The following THEMIS variants were observed in gnomAD, a reference collection of about 807,000 sequenced individuals.
THEMIS encodes protein THEMIS.
Under a neutral mutation model 52.6 loss-of-function variants are expected in THEMIS, and 37 were observed. The observed-to-expected ratio is 0.70, with a 90% confidence interval of 0.54 to 0.93. The LOEUF is 0.93. THEMIS is among the 40% of genes least tolerant of loss of function. The probability of loss-of-function intolerance (pLI) is 0.00; values close to 1 mark genes in which losing one functional copy is unlikely to be tolerated. For missense variants in THEMIS, 808 were observed against 763.1 expected, an observed-to-expected ratio of 1.06 and a Z score of -0.69; for synonymous variants, 292 against 272.7, an observed-to-expected ratio of 1.07 and a Z score of -0.70.
chr6:127,724,293 T>C (rs1223458363), intron 4 of THEMIS, among the ~76,000 whole-genome samples: 1 of 152,126 alleles, frequency 6.6e-6, no homozygotes, highest in East Asian at 1.9e-4. Context: ...ATTACATTGG[T>C]CATCTATCTA....
At chr6:127,765,328 G>C (rs1211233164) in intron 4 of THEMIS, among the ~76,000 whole-genome samples, 1 of 152,012 alleles carries the variant, frequency 6.6e-6, no homozygotes, top group Non-Finnish European at 1.5e-5. Context: ...CTGCATGGAA[G>C]ATGATAAAGA....
intron 1 of THEMIS, among the ~76,000 whole-genome samples, chr6:127,891,490 T>C (rs1428342377): frequency 2.1e-5 from 3 of 145,322 alleles, no homozygotes; most frequent in African/African-American, 7.7e-5. Flanking sequence ...GAGCTGAGAT[T>C]GCGCCACTAC....
chr6:127,831,239 G>T (rs1307504775), intron 2 of THEMIS, among the ~76,000 whole-genome samples: 1 of 151,998 alleles, frequency 6.6e-6, no homozygotes, highest in East Asian at 1.9e-4. Context: ...TTAAGATACA[G>T]ATTTTTGTAC....
chr6:127,900,896 C>G lies in THEMIS; in HGVS notation c.37G>C (p.Asp13His). 6.2e-7 allele frequency: 1 copy of G among 1,613,146 alleles called. No homozygotes were observed. The highest frequency in any genetic ancestry group is 8.5e-7 in the Non-Finnish European group (1 of 1,179,410). ...LSLEEFVHSL[D>H]LRTLPRVLEI... ...AGAACCCTGGGTAGGGTCCTGAGGT[C>G]AAGGGAGTGGACGAATTCTTCCAGT... is the stretch of plus-strand genomic sequence containing the variant. Residue 13 changes from aspartate to histidine, a missense_variant, in exon 1 of 6, where the codon GAC (aspartate) becomes CAC (histidine). By Grantham distance (81) the Asp-to-His change is moderately conservative. Transcript: ENST00000368248.
upstream of THEMIS, among the ~76,000 whole-genome samples, chr6:127,902,369 T>C (rs1026093929): frequency 6.8e-5 from 10 of 146,918 alleles, no homozygotes; most frequent in Non-Finnish European, 1.2e-4. Flanking sequence ...TTGGTATGTA[T>C]ACACTTGAAA....
chr6:127,778,539 A>T (rs1776639032), intron 4 of THEMIS, among the ~76,000 whole-genome samples: 1 of 152,110 alleles, frequency 6.6e-6, no homozygotes, highest in Non-Finnish European at 1.5e-5. Context: ...CTTTCAGGGA[A>T]TCTACTTATT....
chr6:127,899,795 CAT>C (rs1417501467), intron 1 of THEMIS, among the ~76,000 whole-genome samples: 2 of 151,114 alleles, frequency 1.3e-5, no homozygotes, highest in African/African-American at 4.9e-5. Flanking sequence ...CACGGCAAAA[CAT>C]AGTCTGATTC....
At chr6:127,830,108 G>A (rs1460756080) in intron 2 of THEMIS, among the ~76,000 whole-genome samples, 174 bp from the exon 3 acceptor site, 2 of 152,054 alleles carry the variant, frequency 1.3e-5, no homozygotes, top group Admixed American at 6.6e-5. Context: ...AAATTATGAA[G>A]TATTGCTTAT....
At chr6:127,737,666 C>A (rs947256260) in intron 4 of THEMIS, among the ~76,000 whole-genome samples, 2 of 152,160 alleles carry the variant, frequency 1.3e-5, no homozygotes, top group Non-Finnish European at 2.9e-5. Context: ...TACATGGGCA[C>A]AAATATATCA....
intron 1 of THEMIS, among the ~76,000 whole-genome samples, chr6:127,884,519 C>A (rs546220608): frequency 1.3e-5 from 2 of 152,200 alleles, no homozygotes; most frequent in Admixed American, 1.3e-4. Context: ...CTCTTCAACT[C>A]CCCCTCTTGC....
intron 1 of THEMIS, among the ~76,000 whole-genome samples, chr6:127,914,433 T>C (rs1315721952): frequency 6.6e-6 from 1 of 152,202 alleles, no homozygotes; most frequent in African/African-American, 2.4e-5. Context: ...GAGAAATGCA[T>C]CCTCAGGCAA....
chr6:127,812,832 T>C (rs765839273), intron 4 of THEMIS, 51 bp downstream of exon 4: 2 of 1,499,030 alleles, frequency 1.3e-6, no homozygotes, highest in Non-Finnish European at 1.8e-6. Context: ...TTGAAACAAA[T>C]TGCCTGAAGG....
At chr6:127,706,507 C>T (rs1773801040), downstream of THEMIS, among the ~76,000 whole-genome samples, 1 of 151,990 alleles carries the variant, frequency 6.6e-6, no homozygotes, top group African/African-American at 2.4e-5. Context: ...ATATTGAGTG[C>T]CAGATATATG....
At chr6:127,755,814 G>A (rs527997275) in intron 4 of THEMIS, among the ~76,000 whole-genome samples, 1 of 152,164 alleles carries the variant, frequency 6.6e-6, no homozygotes, top group South Asian at 2.1e-4. Context: ...ATCACTTGAG[G>A]TCAGGAGTTC....
intron 4 of THEMIS, among the ~76,000 whole-genome samples, chr6:127,760,939 A>T (rs893956749): frequency 3.3e-5 from 5 of 152,208 alleles, no homozygotes; most frequent in Admixed American, 6.5e-5. Context: ...AAAAACAAAA[A>T]TAAATGGGTC....
Position 127,708,348 on chromosome 6 carries a change from G to A in THEMIS, c.*1637C>T, listed in dbSNP as rs1382379077. ...TGTTATATATGATTTCTATTAGAAAGCCCTTGATAATTTACAACCAAAGTA... is the reference window on the plus strand; with the variant it reads ...TGTTATATATGATTTCTATTAGAAAACCCTTGATAATTTACAACCAAAGTA... On this transcript the variant is annotated 3_prime_UTR_variant, in exon 6 of 6. Transcript: ENST00000368248. The A allele has an allele frequency of 6.6e-6, 1 of 152,018 alleles. No individual in the cohort carries two copies. The highest frequency in any genetic ancestry group is 1.9e-4 in the East Asian group (1 of 5,182). The allele number at this position is 152,018 out of a possible 1,614,324, so 9.4% of individuals were successfully genotyped here. A position where few individuals can be genotyped will look rare whatever the true frequency, so the allele number is the denominator to read the frequency against.
rs144782767 is a variant in THEMIS, at chr6:127,728,703, A to G, written c.1759-8880T>C. Among the ~76,000 whole-genome samples, 25 of 152,276 alleles carry G rather than the reference A, an allele frequency of 1.6e-4. 1 individual carries two copies. The East Asian group carries it at 4.3e-3, about 26-fold the overall frequency. On this transcript the variant is annotated intron_variant, in intron 4 of 5. Coordinates refer to ENST00000368248, the MANE Select transcript of THEMIS (RefSeq NM_001010923.3). ...AATTCCCTGCCCTCCTTGTGTTTAC[A>G]TCCTGTGTGTGTGAGTTGGGATTGG...
chr6:127,806,848 G>A (rs1483751868), intron 4 of THEMIS, among the ~76,000 whole-genome samples: 1 of 152,128 alleles, frequency 6.6e-6, no homozygotes, highest in Non-Finnish European at 1.5e-5. Context: ...GCACAGATTT[G>A]TACCTTCGAG....
At chr6:127,902,262 C>T (rs370324182), upstream of THEMIS, among the ~76,000 whole-genome samples, 1 of 145,434 alleles carries the variant, frequency 6.9e-6, no homozygotes, top group South Asian at 2.2e-4. Flanking sequence ...GAGTTTGAGG[C>T]TACAGTGAGT....
Sources: allele counts gnomAD v4.1 joint callset (sites outside exome capture counted in the v4.1 genomes callset), GRCh38; gene constraint gnomAD v4.1.1; transcripts MANE v1.5; gene names NCBI Gene and HGNC (gene_info 2026-07-23, HGNC 2026-07-21).